WDTC1: variants seen among roughly 807,000 people sequenced by gnomAD.
WDTC1 encodes the protein WD and tetratricopeptide repeats protein 1.
In WDTC1, 12 loss-of-function variants were observed where a neutral mutation model predicts 76.0. The observed-to-expected ratio is 0.16, with a 90% CI of 0.10 to 0.26. The LOEUF (loss-of-function observed/expected upper bound fraction) is 0.26. Ranked by LOEUF, WDTC1 falls within the 10% of genes least tolerant of loss-of-function variation. The pLI is 1.00. For missense variants in WDTC1, 511 were observed against 908.8 expected, an observed-to-expected ratio of 0.56 and a Z score of 5.63; for synonymous variants, 326 against 350.8, an observed-to-expected ratio of 0.93 and a Z score of 0.79.
At chr1:27,238,016 C>A (rs1181332115) in intron 1 of WDTC1, among the ~76,000 whole-genome samples, 1 of 152,136 alleles carries the variant, frequency 6.6e-6, no homozygotes, top group Non-Finnish European at 1.5e-5. Flanking sequence ...TCAGTGCTAG[C>A]TAGTATTTTT....
chr1:27,304,920 T>G (rs1157158929), intron 14 of WDTC1, 81 bp from the exon 15 acceptor site: 29 of 1,423,676 alleles, frequency 2.0e-5, no homozygotes, highest in Non-Finnish European at 2.5e-5. Context: ...TTGCTCCCCC[T>G]TTACCTAGGC....
At chr1:27,282,161 A>C in intron 3 of WDTC1, 78 bp from the exon 4 acceptor site, 1 of 1,389,970 alleles carries the variant, frequency 7.2e-7, no homozygotes, top group Non-Finnish European at 1.0e-6. Flanking sequence ...TTACCTGTTC[A>C]GTTCCACTTC....
chr1:27,306,482 C>T lies in WDTC1; in HGVS notation c.*99C>T, dbSNP rs559649377. On this transcript the variant is annotated 3_prime_UTR_variant, in exon 16 of 16. Transcript: ENST00000319394. This position sits in a 1 kb window ranked among gnomAD's most constrained non-coding sequence, Gnocchi z 5.0. ...GTTTTGGTTTGTCTTCCCCACCACC[C>T]TTTTTTTTCATTTCCCCTGTTTTGT... 5 of 1,371,576 alleles carry T rather than the reference C, an allele frequency of 3.6e-6. No individual in the cohort carries two copies. The African/African-American group carries it at 5.8e-5, about 16-fold the overall frequency. The allele number at this position is 1,371,576 out of a possible 1,614,324, so 85.0% of individuals were successfully genotyped here.
intron 6 of WDTC1, among the ~76,000 whole-genome samples, chr1:27,289,955 G>C (rs997795294): frequency 6.6e-6 from 1 of 151,382 alleles, no homozygotes; most frequent in Non-Finnish European, 1.5e-5. Context: ...GCTTCGGCTC[G>C]GCATCAGAGA....
At chr1:27,287,923 T>G in intron 6 of WDTC1, 62 bp downstream of exon 6, 1 of 1,543,322 alleles carries the variant, frequency 6.5e-7, no homozygotes, top group South Asian at 1.2e-5. Context: ...CTATAGTGTT[T>G]CCTTCTACAG....
chr1:27,268,860 G>A (rs1285424226), intron 3 of WDTC1, among the ~76,000 whole-genome samples: 15 of 151,624 alleles, frequency 9.9e-5, no homozygotes, highest in African/African-American at 1.2e-4. Context: ...GACTACAGGT[G>A]CACGCCACCA....
chr1:27,292,168 C>T (rs1372143724), intron 6 of WDTC1, 47 bp from the exon 7 acceptor site: 7 of 1,446,064 alleles, frequency 4.8e-6, no homozygotes, highest in Non-Finnish European at 6.4e-6. Context: ...CTGCCTTCCT[C>T]TCAAGGACCC....
upstream of WDTC1, chr1:27,234,532 C>G: frequency 2.7e-6 from 1 of 370,352 alleles, no homozygotes; most frequent in Non-Finnish European, 4.8e-6. Context: ...GGGGGCCCGG[C>G]TAGCCATTCT....
At chr1:27,264,637 G>A (rs2012602611) in intron 3 of WDTC1, among the ~76,000 whole-genome samples, 1 of 150,254 alleles carries the variant, frequency 6.7e-6, no homozygotes, top group African/African-American at 2.4e-5. Context: ...TCTTTGTTTT[G>A]TTTTGTTTTG....
At position 27,301,403 on chromosome 1, in the gene WDTC1, C is replaced by T. The variant is rs774504363; in HGVS notation, c.1410C>T (p.Ser470=). Residue 470 remains serine, a synonymous_variant, in exon 13 of 16, where the codon AGC becomes AGT. Coordinates refer to ENST00000319394, the MANE Select transcript of WDTC1 (RefSeq NM_001276252.2). This position sits in a 1 kb window ranked among gnomAD's most constrained non-coding sequence, Gnocchi z 5.8. ...KGKFPEQAHS[S]ACDALGRDIT... ...AATTTCCGGAGCAGGCCCACAGCAGCGCTTGTGATGCATTGGGCCGCGACA... is the reference window on the plus strand; with the variant it reads ...AATTTCCGGAGCAGGCCCACAGCAGTGCTTGTGATGCATTGGGCCGCGACA... The T allele has an allele frequency of 1.7e-5, 28 of 1,614,022 alleles. No individual in the cohort carries two copies. In the Admixed American group the frequency reaches 2.2e-4, roughly 12 times the overall value.
intron 1 of WDTC1, among the ~76,000 whole-genome samples, chr1:27,258,530 AAAAAAAAAAAAG>A (rs2012360962): frequency 3.0e-4 from 1 of 3,348 alleles, no homozygotes; most frequent in South Asian, 0.25. Context: ...AGACTCTGCC[AAAAAAAAAAAAG>A]AAAAAAAAAG....
upstream of WDTC1, chr1:27,234,522 G>C (rs2011443617): frequency 1.1e-5 from 4 of 365,916 alleles, no homozygotes; most frequent in East Asian, 1.6e-4. Context: ...GGGTAAGTGG[G>C]GGGGCCCGGC....
intron 14 of WDTC1, chr1:27,304,259 CCCT>C (rs1226244676): frequency 6.0e-6 from 1 of 165,938 alleles, no homozygotes; most frequent in African/African-American, 2.4e-5. Context: ...TCATCCCCAC[CCCT>C]CATTTGTAGA....
At chr1:27,288,362 T>A (rs144911819) in intron 6 of WDTC1, among the ~76,000 whole-genome samples, 6,847 of 151,758 alleles carry the variant, frequency 0.045, 215 homozygotes, top group African/African-American at 0.072. Context: ...TTATTTATTT[T>A]TTTTTTTATT....
intron 5 of WDTC1, among the ~76,000 whole-genome samples, chr1:27,284,419 A>G (rs1220619650): frequency 2.0e-5 from 3 of 152,228 alleles, no homozygotes; most frequent in African/African-American, 7.2e-5. Flanking sequence ...CGTAATTAAT[A>G]TCAAGAGGAA....
Position 27,303,784 on chromosome 1 carries a change from T to C in WDTC1, c.1632T>C (p.Asn544=), listed in dbSNP as rs1342879130. 6.2e-7 allele frequency: 1 copy of C among 1,614,008 alleles called. No homozygotes were observed. The highest frequency in any genetic ancestry group is 1.7e-5 in the Admixed American group (1 of 60,002). The change falls in exon 14 of 16, where the codon AAT becomes AAC. Residue 544 remains asparagine (N), a synonymous_variant. Coordinates refer to ENST00000319394, the MANE Select transcript of WDTC1 (RefSeq NM_001276252.2). The surrounding 1 kb of genome is among the most constrained non-coding windows in gnomAD (Gnocchi z 4.8). ...CCACCACGGATATCAAAGAGGCCAA[T>C]TTCTTTGGCAGGTCCGAGGCCCTGA... ...CNTTTDIKEA[N]FFGSNAQYIV...
Position 27,305,328 on chromosome 1 carries a change from A to G in WDTC1, c.1836+135A>G. The G allele has an allele frequency of 3.5e-6, 4 of 1,131,174 alleles. No individual in the cohort carries two copies. The South Asian group carries it at 5.1e-5, about 14-fold the overall frequency. The allele number at this position is 1,131,174 out of a possible 1,614,324, so 70.1% of individuals were successfully genotyped here. On this transcript the variant is annotated intron_variant, in intron 15 of 15. Coordinates refer to ENST00000319394, the MANE Select transcript of WDTC1 (RefSeq NM_001276252.2). This position sits in a 1 kb window ranked among gnomAD's most constrained non-coding sequence, Gnocchi z 4.6. ...TAAGTAAGCCTTACCCCGGGGCCCA[A>G]GGCTGTGTTCTCAGATTCCAGAAGC...
chr1:27,254,417 C>T (rs1403210610), intron 1 of WDTC1, among the ~76,000 whole-genome samples: 6 of 151,944 alleles, frequency 3.9e-5, no homozygotes, highest in Admixed American at 1.3e-4. Context: ...ACCAATATGG[C>T]GAAACCCTGT....
chr1:27,287,984 G>A lies in WDTC1; in HGVS notation c.479+123G>A. On this transcript the variant is annotated intron_variant, in intron 6 of 15. Transcript: ENST00000319394. ...GTCCAACCTCCTTTGTCTGCCCAGGGCAGTTGTCTGTGTACAAACTCCACT... is the reference window on the plus strand; with the variant it reads ...GTCCAACCTCCTTTGTCTGCCCAGGACAGTTGTCTGTGTACAAACTCCACT... 8 of 1,245,376 alleles carry A rather than the reference G, an allele frequency of 6.4e-6. No individual in the cohort carries two copies. In the South Asian group the frequency reaches 1.2e-4, roughly 19 times the overall value. 77.1% of individuals were successfully genotyped at this position (1,245,376 alleles called of 1,614,324 possible).
Sources: allele counts gnomAD v4.1 joint callset (sites outside exome capture counted in the v4.1 genomes callset), GRCh38; gene constraint gnomAD v4.1.1; non-coding constraint Gnocchi (gnomAD v3.1); transcripts MANE v1.5; gene names NCBI Gene and HGNC (gene_info 2026-07-23, HGNC 2026-07-21).